Variants in SLC39A6 observed in about 807,000 individuals in gnomAD.
The protein encoded by SLC39A6 is zinc transporter ZIP6.
A neutral mutation model predicts 63.5 loss-of-function variants in SLC39A6; 51 were observed. That is an observed-to-expected ratio of 0.80 (90% confidence interval 0.64 to 1.01). The LOEUF (loss-of-function observed/expected upper bound fraction) is 1.01, where lower values mean the gene tolerates loss of function less well. SLC39A6 is among the 50% of genes least tolerant of loss of function. The pLI is 0.00. For synonymous variants in SLC39A6, 318 were observed against 324.7 expected (o/e 0.98, Z 0.22); for missense variants, 805 against 927.8 (o/e 0.87, Z 1.72).
chr18:36,127,165 G>A (rs1290817569), intron 1 of SLC39A6, 149 bp from the exon 2 acceptor site: 2 of 706,228 alleles, frequency 2.8e-6, no homozygotes, highest in Non-Finnish European at 4.6e-6. Context: ...GTACTGTGAA[G>A]ATGGAAAGAA....
chr18:36,128,787 CGG>C (rs1266409187), intron 1 of SLC39A6, among the ~76,000 whole-genome samples: 1 of 152,138 alleles, frequency 6.6e-6, no homozygotes, highest in Non-Finnish European at 1.5e-5. Context: ...GTACAGAAAA[CGG>C]AAAAGAGGGC....
In SLC39A6 at chr18:36,126,660, A is replaced by G. The variant is rs2089441242; in HGVS notation, c.348T>C (p.His116=). 1.3e-6 allele frequency: 2 copies of G among 1,597,784 alleles called. No individual in the cohort carries two copies. Among genetic ancestry groups the G allele is most frequent in the South Asian group, 2.2e-5 (2 of 88,980 alleles). The part of the protein sequence containing the change: ...SDHERHSDHE[H]HSEHEHHSDH... Reference sequence around the variant, plus strand: ...CAGAGTGATGCTCGTGCTCTGAGTGATGCTCATGGTCTGAGTGACGCTCAT... The same window carrying G: ...CAGAGTGATGCTCGTGCTCTGAGTGGTGCTCATGGTCTGAGTGACGCTCAT... Residue 116 remains histidine (H), a synonymous_variant, in exon 2 of 10, where the codon CAT becomes CAC. Transcript: ENST00000269187.
intron 4 of SLC39A6, among the ~76,000 whole-genome samples, chr18:36,122,759 G>A (rs907171204): frequency 1.3e-5 from 2 of 152,138 alleles, no homozygotes; most frequent in African/African-American, 2.4e-5. Flanking sequence ...TTAGGGAATC[G>A]GGTGTGGAAC....
rs2089284091 is a variant in SLC39A6 at position 36,109,513 on chromosome 18, G to A, written c.*80C>T. 5 of 1,134,146 alleles carry A rather than the reference G, an allele frequency of 4.4e-6. No homozygotes were observed. The East Asian group carries it at 9.4e-5, about 21-fold the overall frequency. 70.3% of individuals were successfully genotyped at this position (1,134,146 alleles called of 1,614,324 possible). A position where few individuals can be genotyped will look rare whatever the true frequency, so the allele number is the denominator to read the frequency against. On this transcript the variant is annotated 3_prime_UTR_variant, in exon 10 of 10. Coordinates refer to ENST00000269187, the MANE Select transcript of SLC39A6 (RefSeq NM_012319.4). ...ACCCACTAACTTTAAACGCTGCATA[G>A]TACAGCATACAAACTCATCTCCCTA...
Position 36,109,497 on chromosome 18 carries a change from C to A in SLC39A6, c.*96G>T. 1.1e-6 allele frequency: 1 copy of A among 924,576 alleles called. No homozygotes were observed. The highest frequency in any genetic ancestry group is 1.6e-6 in the Non-Finnish European group (1 of 626,444). 57.3% of individuals were successfully genotyped at this position (924,576 alleles called of 1,614,324 possible). ...ATACAAAAATCACAAAACCCACTAACTTTAAACGCTGCATAGTACAGCATA... is the reference window on the plus strand; with the variant it reads ...ATACAAAAATCACAAAACCCACTAAATTTAAACGCTGCATAGTACAGCATA... On this transcript the variant is annotated 3_prime_UTR_variant, in exon 10 of 10. Coordinates refer to ENST00000269187, the MANE Select transcript of SLC39A6 (RefSeq NM_012319.4).
intron 9 of SLC39A6, 144 bp downstream of exon 9, chr18:36,110,915 C>T: frequency 3.0e-6 from 4 of 1,330,676 alleles, no homozygotes; most frequent in Non-Finnish European, 4.0e-6. Context: ...CATTTGGGCT[C>T]AGGAATTTGA....
chr18:36,115,421 G>T (rs1232956621), intron 6 of SLC39A6, among the ~76,000 whole-genome samples: 1 of 148,058 alleles, frequency 6.8e-6, no homozygotes, highest in Non-Finnish European at 1.5e-5. Context: ...CAGCCTGGGT[G>T]ACAGAGTGAG....
At chr18:36,122,320 G>C (rs370841805) in intron 4 of SLC39A6, 50 bp from the exon 5 acceptor site, 15 of 1,444,036 alleles carry the variant, frequency 1.0e-5, no homozygotes, top group Non-Finnish European at 1.4e-5. Flanking sequence ...TTCACACACC[G>C]AGTCAGAAAG....
At chr18:36,115,598 A>C (rs1262302890) in intron 6 of SLC39A6, among the ~76,000 whole-genome samples, 1 of 152,186 alleles carries the variant, frequency 6.6e-6, no homozygotes, top group African/African-American at 2.4e-5. Context: ...GACCTGCACA[A>C]CAAGAGGAGG....
intron 6 of SLC39A6, among the ~76,000 whole-genome samples, chr18:36,115,163 C>T (rs985671816): frequency 1.1e-4 from 17 of 152,092 alleles, no homozygotes; most frequent in African/African-American, 2.2e-4. Flanking sequence ...AAGAGGGGGC[C>T]GGGCGTGGTG....
In SLC39A6 at chr18:36,122,124, T is replaced by G; in HGVS notation, c.1287A>C (p.Gly429=). Residue 429 remains glycine, a synonymous_variant, in exon 5 of 10, where the codon GGA becomes GGC. Coordinates refer to ENST00000269187, the MANE Select transcript of SLC39A6 (RefSeq NM_012319.4). ...DSTWKGLTAL[G]GLYFMFLVEH... ...CAACAAGAAACATGAAATACAGGCC[T>G]CCTAGAGCTGTTAGACCCTTCCACG... 1.2e-6 allele frequency: 2 copies of G among 1,614,054 alleles called. No homozygotes were observed.
intron 5 of SLC39A6, among the ~76,000 whole-genome samples, chr18:36,118,728 T>C (rs1049756363): frequency 2.0e-5 from 3 of 152,164 alleles, no homozygotes; most frequent in Non-Finnish European, 4.4e-5. Context: ...GGATTTTAAG[T>C]AGTGGTGTGC....
rs775084388 is a variant in SLC39A6, at chr18:36,123,594, A to G, written c.1041T>C (p.Pro347=). The G allele has an allele frequency of 1.9e-6, 3 of 1,613,852 alleles. No individual in the cohort carries two copies. The African/African-American group carries it at 4.0e-5, about 22-fold the overall frequency. ...FLSLLGVILV[P]LMNRVFFKFL... ...ATTTGAAAAACACCCGATTCATGAG[A>G]GGCACTAAGATAACCCCCAGCAGAG... is the stretch of plus-strand genomic sequence containing the variant. Residue 347 remains proline (P), a synonymous_variant, in exon 4 of 10, where the codon CCT becomes CCC. Coordinates refer to ENST00000269187, the MANE Select transcript of SLC39A6 (RefSeq NM_012319.4).
intron 7 of SLC39A6, among the ~76,000 whole-genome samples, chr18:36,113,221 G>A (rs371256226): frequency 7.9e-5 from 12 of 151,778 alleles, no homozygotes; most frequent in African/African-American, 2.9e-4. Flanking sequence ...CAGCCTACCA[G>A]GCAGCTGGGA....
In SLC39A6 at chr18:36,109,354, T is replaced by C; in HGVS notation, c.*239A>G. ...AGAACATGTCATGCCAAATCTCTTG[T>C]TTACATAATAAACTGGTAATACCGG... On this transcript the variant is annotated 3_prime_UTR_variant, in exon 10 of 10. Transcript: ENST00000269187. 3.2e-6 allele frequency: 1 copy of C among 313,890 alleles called. No individual in the cohort carries two copies. The highest frequency in any genetic ancestry group is 5.8e-6 in the Non-Finnish European group (1 of 171,370). The allele number at this position is 313,890 out of a possible 1,614,324, so 19.4% of individuals were successfully genotyped here. A position where few individuals can be genotyped will look rare whatever the true frequency, so the allele number is the denominator to read the frequency against.
chr18:36,118,948 T>C (rs905123027), intron 5 of SLC39A6, among the ~76,000 whole-genome samples: 1 of 152,080 alleles, frequency 6.6e-6, no homozygotes, highest in Non-Finnish European at 1.5e-5. Flanking sequence ...TAAAACTTGG[T>C]TGGATGTGGG....
intron 5 of SLC39A6, among the ~76,000 whole-genome samples, chr18:36,120,401 A>G (rs1237045286): frequency 6.6e-6 from 1 of 152,204 alleles, no homozygotes; most frequent in Admixed American, 6.5e-5. Flanking sequence ...TCTTCCCTCT[A>G]TATTTAGGTC....
intron 2 of SLC39A6, 133 bp downstream of exon 2, chr18:36,126,086 A>G: frequency 1.1e-6 from 1 of 891,164 alleles, no homozygotes; most frequent in Non-Finnish European, 1.7e-6. Context: ...TGCCTTGCTG[A>G]GAAGGTGGAA....
chr18:36,109,775 T>C, intron 9 of SLC39A6, 30 bp from the exon 10 acceptor site: 2 of 1,581,406 alleles, frequency 1.3e-6, no homozygotes, highest in South Asian at 1.2e-5. Context: ...AAAATAAGAG[T>C]GACATTTAAG....
Sources: gnomAD v4.1 joint callset for allele counts (sites outside exome capture counted in the v4.1 genomes callset) on GRCh38, gnomAD v4.1.1 for gene constraint, MANE v1.5 for transcripts, NCBI Gene and HGNC (gene_info 2026-07-23, HGNC 2026-07-21) for gene names.